Variants in PBX1 observed in about 807,000 individuals in gnomAD.
The protein encoded by PBX1 is pre-B-cell leukemia transcription factor 1.
In PBX1, 6 loss-of-function variants were observed where a neutral mutation model predicts 53.4. That is an observed-to-expected ratio of 0.11 (90% confidence interval 0.06 to 0.22). The LOEUF (loss-of-function observed/expected upper bound fraction) is 0.22, where lower values mean the gene tolerates loss of function less well. PBX1 is among the 10% of genes least tolerant of loss of function. The pLI is 1.00. For synonymous variants in PBX1, 204 were observed against 212.3 expected (o/e 0.96, Z 0.34); for missense variants, 251 against 551.4 (o/e 0.46, Z 5.46).
chr1:164,707,451 G>GAGAGAGAGAGAGAGAGAT, intron 2 of PBX1, among the ~76,000 whole-genome samples: 3 of 148,912 alleles, frequency 2.0e-5, no homozygotes, highest in African/African-American at 7.4e-5. Context: ...GAGAGAGAGA[G>GAGAGAGAGAGAGAGAGAT]AGAGAAAGTG....
intron 2 of PBX1, among the ~76,000 whole-genome samples, chr1:164,711,665 A>C (rs1263483905): frequency 6.6e-6 from 1 of 152,232 alleles, no homozygotes; most frequent in Non-Finnish European, 1.5e-5. Context: ...GAGCATTGGG[A>C]GAGCGGAGAT....
At position 164,707,454 on chromosome 1, in the gene PBX1, AG is replaced by A. The variant is rs779484915; in HGVS notation, c.266-85039del. ...GAGAGAGAGAGAGAGAGAGAGAGAG[AG>A]AAAGTGCTGAATCCCCTGTAATCCT... On this transcript the variant is annotated intron_variant, in intron 2 of 8. Transcript: ENST00000420696. 9.6e-3 allele frequency among the ~76,000 whole-genome samples: 1,407 copies of A among 146,734 alleles called. 12 individuals are homozygous for A. Among genetic ancestry groups the A allele is most frequent in the Non-Finnish European group, 0.015 (1,004 of 66,282 alleles).
intron 2 of PBX1, among the ~76,000 whole-genome samples, chr1:164,578,355 A>G (rs1163376127): frequency 6.6e-6 from 1 of 152,218 alleles, no homozygotes; most frequent in Non-Finnish European, 1.5e-5. Context: ...TGTATAGTGA[A>G]AAAGTTAAAA....
intron 2 of PBX1, among the ~76,000 whole-genome samples, chr1:164,633,474 A>G (rs1658545296): frequency 6.6e-6 from 1 of 152,166 alleles, no homozygotes; most frequent in Non-Finnish European, 1.5e-5. Flanking sequence ...GACTATTAAT[A>G]GTTGGGTCAT....
chr1:164,563,197 T>G, intron 1 of PBX1, 41 bp from the exon 2 acceptor site: 97 of 1,422,388 alleles, frequency 6.8e-5, no homozygotes, highest in Non-Finnish European at 8.3e-5. Flanking sequence ...AGTTTGATCT[T>G]GAGAGTCCAC....
chr1:164,794,039 TA>T (rs990066089), intron 3 of PBX1, among the ~76,000 whole-genome samples: 15 of 152,068 alleles, frequency 9.9e-5, no homozygotes, highest in African/African-American at 3.6e-4. Context: ...CATACCCAGC[TA>T]ATCTTTGTAG....
At chr1:164,655,508 AACATTGAGAT>A (rs1462518651) in intron 2 of PBX1, among the ~76,000 whole-genome samples, 1 of 152,184 alleles carries the variant, frequency 6.6e-6, no homozygotes, top group East Asian at 1.9e-4. Flanking sequence ...TGTTGAGTAC[AACATTGAGAT>A]ACATGGCTGT....
At chr1:164,884,655 G>A in intron 2 of PBX1, 1 of 390,900 alleles carries the variant, frequency 2.6e-6, no homozygotes, top group East Asian at 5.3e-5. Context: ...CTTCCGGAAT[G>A]ACACATACTG....
intron 4 of PBX1, among the ~76,000 whole-genome samples, chr1:164,803,680 A>G (rs1004683046): frequency 1.3e-5 from 2 of 152,168 alleles, no homozygotes; most frequent in Admixed American, 1.3e-4. Flanking sequence ...TTGAGGGGAA[A>G]TGAGGCACTA....
intron 2 of PBX1, among the ~76,000 whole-genome samples, chr1:164,570,222 A>G (rs1000709670): frequency 2.6e-5 from 4 of 152,044 alleles, no homozygotes; most frequent in African/African-American, 7.3e-5. Context: ...CTTTTTTTAA[A>G]TTATACTTTA....
chr1:164,792,791 G>C, intron 3 of PBX1, 53 bp downstream of exon 3: 1 of 1,380,396 alleles, frequency 7.2e-7, no homozygotes, highest in Non-Finnish European at 1.0e-6. Context: ...AAAGGGTGGA[G>C]GAAGCACAAC....
intron 2 of PBX1, among the ~76,000 whole-genome samples, chr1:164,588,758 A>G (rs1453195422): frequency 6.6e-6 from 1 of 152,078 alleles, no homozygotes; most frequent in East Asian, 1.9e-4. Context: ...CGCCCACAGC[A>G]TGGGCCCAAC....
intron 2 of PBX1, among the ~76,000 whole-genome samples, chr1:164,752,206 TTGTGTGTGTGTGTGTGTG>T (rs10629820): frequency 1.4e-5 from 2 of 143,024 alleles, no homozygotes; most frequent in East Asian, 2.1e-4. Context: ...CTTTAAGGTT[TTGTGTGTGTGTGTGTGTG>T]TGTGTGTGTG....
At chr1:164,880,561 G>T (rs563206154) in intron 2 of PBX1, among the ~76,000 whole-genome samples, 2 of 152,274 alleles carry the variant, frequency 1.3e-5, no homozygotes, top group South Asian at 4.2e-4. Flanking sequence ...CCCATCCTGG[G>T]CACCTTGCCT....
At chr1:164,818,870 C>G (rs1281369724) in intron 6 of PBX1, 2 of 152,142 alleles carry the variant, frequency 1.3e-5, no homozygotes, top group Non-Finnish European at 2.9e-5. Context: ...GGAAAGCTCT[C>G]AGAGCTCAAA....
chr1:164,745,498 C>T (rs1041035167), intron 2 of PBX1, among the ~76,000 whole-genome samples: 1 of 152,150 alleles, frequency 6.6e-6, no homozygotes, highest in Non-Finnish European at 1.5e-5. Flanking sequence ...AAATGATGAA[C>T]CTTTTAAACA....
chr1:164,862,735 A>C (rs1672129683), intron 2 of PBX1, among the ~76,000 whole-genome samples: 1 of 152,166 alleles, frequency 6.6e-6, no homozygotes, highest in Non-Finnish European at 1.5e-5. Context: ...CTACTTCCCC[A>C]GCACTCGGTC....
At chr1:164,701,061 G>T (rs1171257062) in intron 2 of PBX1, among the ~76,000 whole-genome samples, 1 of 152,142 alleles carries the variant, frequency 6.6e-6, no homozygotes, top group Non-Finnish European at 1.5e-5. Context: ...TGTTAGTAAT[G>T]AAACAATATA....
intron 2 of PBX1, among the ~76,000 whole-genome samples, chr1:164,690,629 TAAAA>T (rs34662653): frequency 6.9e-6 from 1 of 145,904 alleles, no homozygotes; most frequent in Non-Finnish European, 1.5e-5. Flanking sequence ...AAGCTTTTCT[TAAAA>T]AAAAAAAAAA....
Sources: allele counts gnomAD v4.1 joint callset (sites outside exome capture counted in the v4.1 genomes callset), GRCh38; gene constraint gnomAD v4.1.1; transcripts MANE v1.5; gene names NCBI Gene and HGNC (gene_info 2026-07-23, HGNC 2026-07-21).